Variants in RNF144B observed in about 807,000 individuals in gnomAD.
RNF144B encodes ring finger protein 144B, also known as E3 ubiquitin-protein ligase RNF144B.
A neutral mutation model predicts 40.2 loss-of-function variants in RNF144B; 25 were observed. The ratio of observed to expected loss-of-function variants is 0.62; its 90% CI spans 0.45 to 0.87. The LOEUF (loss-of-function observed/expected upper bound fraction) is 0.87, where lower values mean the gene tolerates loss of function less well. Ranked by LOEUF, RNF144B falls within the 40% of genes least tolerant of loss-of-function variation. The probability of loss-of-function intolerance (pLI) is 0.00; values close to 1 mark genes in which losing one functional copy is unlikely to be tolerated. For missense variants in RNF144B, 365 were observed against 373.7 expected (o/e 0.98, Z 0.19); for synonymous variants, 145 against 136.3 (o/e 1.06, Z -0.44).
intron 2 of RNF144B, among the ~76,000 whole-genome samples, chr6:18,408,128 G>A (rs1582406516): frequency 6.6e-6 from 1 of 151,860 alleles, no homozygotes; most frequent in South Asian, 2.1e-4. Context: ...GGGATTATAG[G>A]TGCCTGTCAC....
chr6:18,449,242 A>T (rs1759154216), intron 4 of RNF144B, among the ~76,000 whole-genome samples: 1 of 152,230 alleles, frequency 6.6e-6, no homozygotes, highest in Non-Finnish European at 1.5e-5. Context: ...TCAGATCAAA[A>T]CTATCTGTAG....
Position 18,432,538 on chromosome 6 carries a change from C to A in RNF144B, c.270+4853C>A, listed in dbSNP as rs189508953. ...GAGGCAGGACACAGATTGTTTATTC[C>A]AATAGCATTACTTCAGGCGAAGCCC... On this transcript the variant is annotated intron_variant, in intron 3 of 7. Transcript: ENST00000259939. 2.0e-5 allele frequency among the ~76,000 whole-genome samples: 3 copies of A among 152,264 alleles called. No homozygotes were observed. In the East Asian group the frequency reaches 5.8e-4, roughly 29 times the overall value.
rs759201959 is a variant in RNF144B, at chr6:18,406,096, G to A, written c.165+6397G>A. 1.9e-6 allele frequency: 1 copy of A among 518,856 alleles called. No homozygotes were observed. The highest frequency in any genetic ancestry group is 3.8e-6 in the Non-Finnish European group (1 of 259,856). 32.1% of individuals were successfully genotyped at this position (518,856 alleles called of 1,614,324 possible). A position where few individuals can be genotyped will look rare whatever the true frequency, so the allele number is the denominator to read the frequency against. On this transcript the variant is annotated intron_variant, in intron 2 of 7. Transcript: ENST00000259939. The surrounding 1 kb of genome is among the most constrained non-coding windows in gnomAD (Gnocchi z 4.2). ...TGCTGTGTCTTGCATAGTTCTGATG[G>A]TTTGAATATAGTGGTGAACGATCAG...
At chr6:18,409,861 C>T (rs11966794) in intron 2 of RNF144B, among the ~76,000 whole-genome samples, 29,989 of 152,084 alleles carry the variant, frequency 0.2, 2,931 homozygotes, top group African/African-American at 0.23. Context: ...TGAGCCACTG[C>T]GCCCCGGCCT....
intron 2 of RNF144B, among the ~76,000 whole-genome samples, chr6:18,408,755 T>A (rs1401568692): frequency 1.3e-5 from 2 of 152,168 alleles, no homozygotes; most frequent in African/African-American, 4.8e-5. Flanking sequence ...AGGATCTCCC[T>A]CTGCCCACTT....
In RNF144B at chr6:18,465,116, A is replaced by G; in HGVS notation, c.*49A>G. On this transcript the variant is annotated 3_prime_UTR_variant, in exon 8 of 8. Coordinates refer to ENST00000259939, the MANE Select transcript of RNF144B (RefSeq NM_182757.4). Reference sequence around the variant, plus strand: ...AGATATGTGAGTTACATGAGATGGCACAGTGATAAAGCCCCATTTAGTGAC... The same window carrying G: ...AGATATGTGAGTTACATGAGATGGCGCAGTGATAAAGCCCCATTTAGTGAC... The G allele has an allele frequency of 6.3e-7, 1 of 1,595,456 alleles. No individual in the cohort carries two copies. The highest frequency in any genetic ancestry group is 1.1e-5 in the South Asian group (1 of 89,366).
At position 18,414,664 on chromosome 6, in the gene RNF144B, TTAAA is replaced by T. The variant is rs1399808337; in HGVS notation, c.166-12914_166-12911del. ...TTCATTATAATTTATTCAAACTGGT[TTAAA>T]TACTGAGACAGATTTTATTTAAAAT... On this transcript the variant is annotated intron_variant, in intron 2 of 7. Coordinates refer to ENST00000259939, the MANE Select transcript of RNF144B (RefSeq NM_182757.4). The surrounding 1 kb of genome is among the most constrained non-coding windows in gnomAD (Gnocchi z 4.9). 6.6e-6 allele frequency among the ~76,000 whole-genome samples: 1 copy of T among 152,198 alleles called. No individual in the cohort carries two copies. Among genetic ancestry groups the T allele is most frequent in the Non-Finnish European group, 1.5e-5 (1 of 68,026 alleles).
chr6:18,387,569 C>A lies in RNF144B; in HGVS notation c.-98C>A. 1 of 1,327,178 alleles carries A rather than the reference C, an allele frequency of 7.5e-7. No individual in the cohort carries two copies. Among genetic ancestry groups the A allele is most frequent in the Admixed American group, 2.0e-5 (1 of 48,850 alleles). The allele number at this position is 1,327,178 out of a possible 1,614,324, so 82.2% of individuals were successfully genotyped here. ...CCGGTGTGCCAGCAGCCCGGACTGG[C>A]GGTGAGCGCGAGGGAGGCTACTGAG... On this transcript the variant is annotated 5_prime_UTR_variant, in exon 1 of 8. Transcript: ENST00000259939.
chr6:18,440,784 G>A, intron 4 of RNF144B, among the ~76,000 whole-genome samples: 1 of 134,918 alleles, frequency 7.4e-6, no homozygotes, highest in South Asian at 2.5e-4. Flanking sequence ...CACTGACTTT[G>A]TTTTTGTGGT....
chr6:18,403,355 G>A (rs1457925312), intron 2 of RNF144B, among the ~76,000 whole-genome samples: 1 of 152,194 alleles, frequency 6.6e-6, no homozygotes, highest in Non-Finnish European at 1.5e-5. Flanking sequence ...CACAGTTGTT[G>A]CTTGTTTTTA....
rs956409142 is a variant in RNF144B at position 18,467,977 on chromosome 6, C to A, written c.*2910C>A. The A allele has an allele frequency of 6.6e-6, 1 of 152,160 alleles. No individual in the cohort carries two copies. The highest frequency in any genetic ancestry group is 2.1e-4 in the South Asian group (1 of 4,826). 9.4% of individuals were successfully genotyped at this position (152,160 alleles called of 1,614,324 possible). On this transcript the variant is annotated 3_prime_UTR_variant, in exon 8 of 8. Coordinates refer to ENST00000259939, the MANE Select transcript of RNF144B (RefSeq NM_182757.4). ...TAACTGACAACTTTGATAACAGAGG[C>A]TGCTATTTTTGTTTTAGATAATTGG...
At chr6:18,429,483 T>G (rs519207) in intron 3 of RNF144B, among the ~76,000 whole-genome samples, 31,986 of 152,150 alleles carry the variant, frequency 0.21, 3,394 homozygotes, top group East Asian at 0.25. Context: ...GGCTGAGTGC[T>G]ACAAGTGAGA....
rs936627625 is a variant in RNF144B at position 18,468,738 on chromosome 6, T to C, written c.*3671T>C. 1 of 152,244 alleles carries C rather than the reference T, an allele frequency of 6.6e-6. No homozygotes were observed. Among genetic ancestry groups the C allele is most frequent in the Non-Finnish European group, 1.5e-5 (1 of 68,042 alleles). 9.4% of individuals were successfully genotyped at this position (152,244 alleles called of 1,614,324 possible). ...ATCACAATTGATATCTACAGGCTAT[T>C]ATGTCTCATGTTGATTCATGATCCA... On this transcript the variant is annotated 3_prime_UTR_variant, in exon 8 of 8. Coordinates refer to ENST00000259939, the MANE Select transcript of RNF144B (RefSeq NM_182757.4).
chr6:18,459,512 G>A lies in RNF144B; in HGVS notation c.537-95G>A. On this transcript the variant is annotated intron_variant, in intron 5 of 7. Transcript: ENST00000259939. The surrounding 1 kb of genome is among the most constrained non-coding windows in gnomAD (Gnocchi z 4.2). Reference sequence around the variant, plus strand: ...TTCTTTTGGAAGTGAATTAAGCATGGATAACTGTGAGTTCATTATCTAACC... The same window carrying A: ...TTCTTTTGGAAGTGAATTAAGCATGAATAACTGTGAGTTCATTATCTAACC... 1 of 1,269,892 alleles carries A rather than the reference G, an allele frequency of 7.9e-7. No individual in the cohort carries two copies. The highest frequency in any genetic ancestry group is 2.4e-5 in the East Asian group (1 of 42,510). The allele number at this position is 1,269,892 out of a possible 1,614,324, so 78.7% of individuals were successfully genotyped here.
intron 3 of RNF144B, among the ~76,000 whole-genome samples, chr6:18,436,294 T>G (rs11756863): frequency 0.33 from 50,911 of 152,042 alleles, 9,236 homozygotes; most frequent in East Asian, 0.51. Context: ...TGTCCCAGAT[T>G]GGAACGTCAA....
rs549193673 is a variant in RNF144B at position 18,416,760 on chromosome 6, G to A, written c.166-10821G>A. Among the ~76,000 whole-genome samples, 29 of 152,124 alleles carry A rather than the reference G, an allele frequency of 1.9e-4. No homozygotes were observed. Among genetic ancestry groups the A allele is most frequent in the Non-Finnish European group, 2.9e-4 (20 of 68,032 alleles). ...CTAGCTGAATGCTTGTATTCTCTAT[G>A]GAGAGGTTGGGTAGAAAAGAGTGAT... On this transcript the variant is annotated intron_variant, in intron 2 of 7. Coordinates refer to ENST00000259939, the MANE Select transcript of RNF144B (RefSeq NM_182757.4). The surrounding 1 kb of genome is among the most constrained non-coding windows in gnomAD (Gnocchi z 5.5).
rs1345764873 is a variant in RNF144B, at chr6:18,460,635, C to T, written c.681+884C>T. Among the ~76,000 whole-genome samples, 1 of 152,184 alleles carries T rather than the reference C, an allele frequency of 6.6e-6. No homozygotes were observed. Among genetic ancestry groups the T allele is most frequent in the Non-Finnish European group, 1.5e-5 (1 of 68,038 alleles). On this transcript the variant is annotated intron_variant, in intron 6 of 7. Transcript: ENST00000259939. The surrounding 1 kb of genome is among the most constrained non-coding windows in gnomAD (Gnocchi z 4.4). ...TTGCATGCTCTCACTCGCTCTCTCT[C>T]TCTCTTGTTCATGAGCATGCAGCAG...
intron 4 of RNF144B, among the ~76,000 whole-genome samples, chr6:18,454,416 T>G (rs1759282575): frequency 6.6e-6 from 1 of 152,202 alleles, no homozygotes; most frequent in Non-Finnish European, 1.5e-5. Flanking sequence ...TCAATTTCCT[T>G]TTTGGATAGA....
chr6:18,432,726 A>G (rs376431973), intron 3 of RNF144B, among the ~76,000 whole-genome samples: 2 of 152,196 alleles, frequency 1.3e-5, no homozygotes, highest in African/African-American at 4.8e-5. Context: ...TTTGAATAGT[A>G]CCTGCCATTA....
Sources: gnomAD v4.1 joint callset for allele counts (sites outside exome capture counted in the v4.1 genomes callset) on GRCh38, gnomAD v4.1.1 for gene constraint, Gnocchi (gnomAD v3.1) non-coding constraint, MANE v1.5 for transcripts, NCBI Gene and HGNC (gene_info 2026-07-23, HGNC 2026-07-21) for gene names.